The following KIFC2 variants were observed in gnomAD, a reference collection of about 807,000 sequenced individuals.
KIFC2 encodes kinesin-like protein KIFC2.
KIFC2 carries 94 observed loss-of-function variants against 91.5 expected under a neutral mutation model. That is an observed-to-expected ratio of 1.03 (90% CI 0.87 to 1.22). KIFC2 has a LOEUF of 1.22. KIFC2 is among the 50% of genes most tolerant of loss of function. KIFC2 has a pLI of 0.00. For synonymous variants in KIFC2, 729 were observed against 503.9 expected, an observed-to-expected ratio of 1.45 and a Z score of -5.98; for missense variants, 1,357 against 1,103.3, an observed-to-expected ratio of 1.23 and a Z score of -3.26.
chr8:144,472,346 C>T lies in KIFC2; in HGVS notation c.1608-15C>T, dbSNP rs372504266. On this transcript the variant is annotated splice_polypyrimidine_tract_variant and intron_variant, in intron 14 of 17. Coordinates refer to ENST00000645548, the MANE Select transcript of KIFC2 (RefSeq NM_001369769.2). Reference sequence around the variant, plus strand: ...CAGAGAATTCTGGAACCAAGACCTTCCCCTTTCTCACCAGGGACCTCCTTG... The same window carrying T: ...CAGAGAATTCTGGAACCAAGACCTTTCCCTTTCTCACCAGGGACCTCCTTG... 3 of 1,613,398 alleles carry T rather than the reference C, an allele frequency of 1.9e-6. No individual in the cohort carries two copies. Among genetic ancestry groups the T allele is most frequent in the African/African-American group, 2.7e-5 (2 of 74,918 alleles).
Position 144,468,623 on chromosome 8 carries a change from C to G in KIFC2, c.976C>G (p.Leu326Val). The G allele has an allele frequency of 6.2e-7, 1 of 1,613,510 alleles. No individual in the cohort carries two copies. The highest frequency in any genetic ancestry group is 8.5e-7 in the Non-Finnish European group (1 of 1,179,708). ...QETEQNCRRE[L>V]QQMHGQLAGL... ...GACGGAGCAGAACTGCAGGCGTGAG[C>G]TACAGCAGATGCATGGGCAGCTGGC... The change falls in exon 9 of 18, where the codon CTA becomes GTA. Residue 326 changes from leucine to valine, a missense_variant. Leu to Val is a conservative substitution (Grantham distance 32, BLOSUM62 1). Coordinates refer to ENST00000645548, the MANE Select transcript of KIFC2 (RefSeq NM_001369769.2).
chr8:144,469,477 A>ACCAT lies in KIFC2; in HGVS notation c.1223-13_1223-12insCCAT, dbSNP rs777279507. 1 of 1,613,958 alleles carries ACCAT rather than the reference A, an allele frequency of 6.2e-7. No homozygotes were observed. The highest frequency in any genetic ancestry group is 8.5e-7 in the Non-Finnish European group (1 of 1,180,002). ...GTCTGCGAGGCATTATGCTGACCTG[A>ACCAT]TCCCCACTGCAGGAAATATCCGTGT... is the stretch of plus-strand genomic sequence containing the variant. On this transcript the variant is annotated splice_polypyrimidine_tract_variant and intron_variant, in intron 11 of 17. Transcript: ENST00000645548.
At position 144,468,766 on chromosome 8, in the gene KIFC2, G is replaced by A. The variant is rs775297724; in HGVS notation, c.1045G>A (p.Asp349Asn). Residue 349 changes from aspartate to asparagine, a missense_variant, in exon 10 of 18, where the codon GAC (aspartate) becomes AAC (asparagine). Asp to Asn is a conservative substitution (Grantham distance 23, BLOSUM62 1). Transcript: ENST00000645548. ...RMASLRQGCG[D>N]LRGLVSTFTQ... ...GGCCAGCCTGCGTCAGGGCTGCGGG[G>A]ACCTCCGAGGTTTGGTCAGCACCTT... 1.2e-6 allele frequency: 2 copies of A among 1,614,072 alleles called. No individual in the cohort carries two copies. The highest frequency in any genetic ancestry group is 1.1e-5 in the South Asian group (1 of 91,082).
intron 12 of KIFC2, 55 bp from the exon 13 acceptor site, chr8:144,471,887 G>A (rs1289376792): frequency 1.3e-6 from 2 of 1,515,976 alleles, no homozygotes; most frequent in Admixed American, 3.3e-5. Flanking sequence ...CACCAAATAG[G>A]GCATAAACAG....
rs767332380 is a variant in KIFC2 at position 144,469,521 on chromosome 8, A to G, written c.1254A>G (p.Pro418=). The G allele has an allele frequency of 5.6e-6, 9 of 1,613,878 alleles. No homozygotes were observed. Among genetic ancestry groups the G allele is most frequent in the Non-Finnish European group, 7.6e-6 (9 of 1,180,030 alleles). Residue 418 remains proline (P), a synonymous_variant, in exon 12 of 18, where the codon CCA becomes CCG. Coordinates refer to ENST00000645548, the MANE Select transcript of KIFC2 (RefSeq NM_001369769.2). The part of the protein sequence containing the change: ...GNIRVLCRLR[P]GTSSSLVSVE... ...TCCGTGTGCTGTGTCGGCTGAGGCC[A>G]GGGACATCTTCTAGCCTTGTGAGTG...
intron 4 of KIFC2, 31 bp downstream of exon 4, chr8:144,467,372 C>A: frequency 6.4e-7 from 1 of 1,568,734 alleles, no homozygotes; most frequent in Non-Finnish European, 8.6e-7. Context: ...TGAAGAAGAA[C>A]TCTGGAGGGA....
Position 144,471,959 on chromosome 8 carries a change from A to G in KIFC2, c.1398A>G (p.Glu466=), listed in dbSNP as rs745734330. 7 of 1,613,310 alleles carry G rather than the reference A, an allele frequency of 4.3e-6. No homozygotes were observed. Among genetic ancestry groups the G allele is most frequent in the Non-Finnish European group, 5.1e-6 (6 of 1,180,000 alleles). The stretch of plus-strand genomic sequence containing the variant: ...TCCCGCAGGTCTTCAGAGAGCTGGA[A>G]CCTGCGGTGCTGTCCTGCCTCCGAG... ...ASQEEVFREL[E]PAVLSCLRGY... is the part of the protein sequence containing the mutation. Residue 466 remains glutamate, a synonymous_variant, in exon 13 of 18, where the codon GAA becomes GAG. Coordinates refer to ENST00000645548, the MANE Select transcript of KIFC2 (RefSeq NM_001369769.2).
In KIFC2 at chr8:144,473,118, C is replaced by T. The variant is rs1196022770; in HGVS notation, c.2119-14C>T. 4.5e-6 allele frequency: 7 copies of T among 1,550,826 alleles called. No homozygotes were observed. The highest frequency in any genetic ancestry group is 6.1e-6 in the Non-Finnish European group (7 of 1,148,310). ...GCCCACCCGGGCCCGCCCACCCGCG[C>T]CTCTTGCCCGCAGATCTCCACGCGG... On this transcript the variant is annotated splice_polypyrimidine_tract_variant and intron_variant, in intron 17 of 17. Coordinates refer to ENST00000645548, the MANE Select transcript of KIFC2 (RefSeq NM_001369769.2).
At position 144,473,902 on chromosome 8, in the gene KIFC2, C is replaced by G; in HGVS notation, c.*513C>G. 1 of 423,936 alleles carries G rather than the reference C, an allele frequency of 2.4e-6. No individual in the cohort carries two copies. The highest frequency in any genetic ancestry group is 4.2e-6 in the Non-Finnish European group (1 of 237,238). The allele number at this position is 423,936 out of a possible 1,614,324, so 26.3% of individuals were successfully genotyped here. On this transcript the variant is annotated 3_prime_UTR_variant, in exon 18 of 18. Coordinates refer to ENST00000645548, the MANE Select transcript of KIFC2 (RefSeq NM_001369769.2). ...CACCACTGGGCTCTCCCTCCCCCAG[C>G]CTGGAGCACGGGAGGGGAGGTGACG... is the stretch of plus-strand genomic sequence containing the variant.
chr8:144,467,391 C>A, intron 4 of KIFC2, 50 bp downstream of exon 4: 1 of 1,550,570 alleles, frequency 6.4e-7, no homozygotes, highest in Non-Finnish European at 8.7e-7. Flanking sequence ...GAGCAAATCC[C>A]GGTAGAACCT....
chr8:144,469,559 CA>C lies in KIFC2; in HGVS notation c.1293del (p.Gly433AlafsTer16). The C allele has an allele frequency of 6.2e-7, 1 of 1,613,688 alleles. No individual in the cohort carries two copies. Among genetic ancestry groups the C allele is most frequent in the South Asian group, 1.1e-5 (1 of 91,084 alleles). ...AGCCTTGTGAGTGTGGAGCCTGGCC[CA>C]GGGGGCACCGTCACCACCTGCTACC... is the stretch of plus-strand genomic sequence containing the variant. ...SSSLVSVEPG[P>X]GGTVTTCYRG... On this transcript the variant is annotated frameshift_variant, in exon 12 of 18. Coordinates refer to ENST00000645548, the MANE Select transcript of KIFC2 (RefSeq NM_001369769.2). LOFTEE classifies it high-confidence loss of function.
In KIFC2 at chr8:144,473,420, C is replaced by T. The variant is rs767932639; in HGVS notation, c.*31C>T. The T allele has an allele frequency of 1.3e-6, 2 of 1,558,120 alleles. No homozygotes were observed. Among genetic ancestry groups the T allele is most frequent in the Non-Finnish European group, 1.7e-6 (2 of 1,157,506 alleles). ...GGTCGCGGCCCTGCCCATGGGGTCT[C>T]AGGCCAGGTCTCTGCTGGCAGAGGC... On this transcript the variant is annotated 3_prime_UTR_variant, in exon 18 of 18. Transcript: ENST00000645548.
At position 144,469,535 on chromosome 8, in the gene KIFC2, GCCTTGTGA is replaced by G; in HGVS notation, c.1269_1276del (p.Ser423ArgfsTer74). 6.2e-7 allele frequency: 1 copy of G among 1,613,962 alleles called. No homozygotes were observed. The highest frequency in any genetic ancestry group is 8.5e-7 in the Non-Finnish European group (1 of 1,180,028). ...CGGCTGAGGCCAGGGACATCTTCTA[GCCTTGTGA>G]GTGTGGAGCCTGGCCCAGGGGGCAC... On this transcript the variant is annotated frameshift_variant, in exon 12 of 18. Coordinates refer to ENST00000645548, the MANE Select transcript of KIFC2 (RefSeq NM_001369769.2). LOFTEE classifies it high-confidence loss of function.
chr8:144,472,161 A>G lies in KIFC2; in HGVS notation c.1509A>G (p.Ile503Met), dbSNP rs1489693433. ...SMEGPPEDPG[I>M]VPRALQSLFR... ...AGGGCCCTCCTGAGGACCCCGGCAT[A>G]GTTCCTAGGGCGCTGCAGTCGCTGT... Residue 503 changes from isoleucine (I) to methionine (M), a missense_variant, in exon 14 of 18, where the codon ATA (isoleucine) becomes ATG (methionine). Coordinates refer to ENST00000645548, the MANE Select transcript of KIFC2 (RefSeq NM_001369769.2). 6.2e-7 allele frequency: 1 copy of G among 1,613,062 alleles called. No homozygotes were observed. The highest frequency in any genetic ancestry group is 8.5e-7 in the Non-Finnish European group (1 of 1,179,980).
At position 144,472,026 on chromosome 8, in the gene KIFC2, G is replaced by A. The variant is rs980897376; in HGVS notation, c.1465G>A (p.Gly489Arg). Residue 489 changes from glycine to arginine, a missense_variant, in exon 13 of 18, where the codon GGG (glycine) becomes AGG (arginine). Transcript: ENST00000645548. ...CTTCACCTATGGCCAGACAGGCACCGGGAAGACCTACAGCATGGAGGTGGG... is the reference window on the plus strand; with the variant it reads ...CTTCACCTATGGCCAGACAGGCACCAGGAAGACCTACAGCATGGAGGTGGG... ...CIFTYGQTGT[G>R]KTYSMEGPPE... 5.0e-6 allele frequency: 8 copies of A among 1,613,364 alleles called. No homozygotes were observed. Among genetic ancestry groups the A allele is most frequent in the East Asian group, 2.2e-5 (1 of 44,896 alleles).
chr8:144,473,902 C>A lies in KIFC2; in HGVS notation c.*513C>A. 2.4e-6 allele frequency: 1 copy of A among 423,936 alleles called. No individual in the cohort carries two copies. The highest frequency in any genetic ancestry group is 4.2e-6 in the Non-Finnish European group (1 of 237,238). The allele number at this position is 423,936 out of a possible 1,614,324, so 26.3% of individuals were successfully genotyped here. ...CACCACTGGGCTCTCCCTCCCCCAG[C>A]CTGGAGCACGGGAGGGGAGGTGACG... On this transcript the variant is annotated 3_prime_UTR_variant, in exon 18 of 18. Coordinates refer to ENST00000645548, the MANE Select transcript of KIFC2 (RefSeq NM_001369769.2).
chr8:144,466,870 G>A (rs1431249551), intron 2 of KIFC2, 32 bp downstream of exon 2: 2 of 1,536,086 alleles, frequency 1.3e-6, no homozygotes, highest in Non-Finnish European at 1.7e-6. Context: ...CGCGGTGCGA[G>A]GGCGGTGCCG....
intron 12 of KIFC2, among the ~76,000 whole-genome samples, chr8:144,470,843 C>T (rs747754620): frequency 6.6e-6 from 1 of 152,262 alleles, no homozygotes; most frequent in South Asian, 2.1e-4. Context: ...CAAGTGTTCA[C>T]AGCAGGTGCC....
intron 6 of KIFC2, 29 bp downstream of exon 6, chr8:144,467,808 C>T (rs1186311191): frequency 3.1e-6 from 5 of 1,613,386 alleles, no homozygotes; most frequent in African/African-American, 1.3e-5. Flanking sequence ...CTGGCAGGGC[C>T]GGGCATGGAG....
Sources: gnomAD v4.1 joint callset for allele counts (sites outside exome capture counted in the v4.1 genomes callset) on GRCh38, gnomAD v4.1.1 for gene constraint, MANE v1.5 for transcripts, NCBI Gene and HGNC (gene_info 2026-07-23, HGNC 2026-07-21) for gene names.